The following STS variants were observed in gnomAD, a reference collection of about 807,000 sequenced individuals.
STS encodes steryl-sulfatase.
In STS, 7 loss-of-function variants were observed where a neutral mutation model predicts 26.8. The ratio of observed to expected loss-of-function variants is 0.26; its 90% CI spans 0.15 to 0.49. The LOEUF is 0.49. Among genes scored for constraint, STS ranks in the 20% least tolerant of loss-of-function variants. STS has a pLI of 0.98. For synonymous variants in STS, 199 were observed against 189.4 expected (o/e 1.05, Z -0.42); for missense variants, 434 against 465.6 (o/e 0.93, Z 0.63).
intron 1 of STS, among the ~76,000 whole-genome samples, chrX:7,165,314 C>T (rs886605833): frequency 4.6e-5 from 5 of 109,796 alleles, no homozygotes; most frequent in Non-Finnish European, 7.6e-5. Context: ...AATGCACAAT[C>T]ACCCCTGGTT....
At chrX:7,346,451 A>C (rs1264829209) in intron 10 of STS, among the ~76,000 whole-genome samples, 1 of 54,884 alleles carries the variant, frequency 1.8e-5, no homozygotes, top group Non-Finnish European at 3.2e-5. Flanking sequence ...TAGACTACTT[A>C]AACAAGTAAA....
chrX:7,187,064 C>T (rs1933786014), intron 1 of STS, among the ~76,000 whole-genome samples: 1 of 111,609 alleles, frequency 9.0e-6, no homozygotes, highest in Non-Finnish European at 1.9e-5. Flanking sequence ...TTGACCGAGG[C>T]CAGTTTCCAG....
chrX:7,236,903 T>C (rs1243307751), intron 2 of STS, among the ~76,000 whole-genome samples: 1 of 109,817 alleles, frequency 9.1e-6, no homozygotes, highest in African/African-American at 3.3e-5. Context: ...TCTTAGACTT[T>C]CAGATTCTTG....
intron 7 of STS, among the ~76,000 whole-genome samples, chrX:7,289,413 A>C (rs995053962): frequency 1.8e-5 from 2 of 111,713 alleles, no homozygotes; most frequent in Admixed American, 1.9e-4. Context: ...TACCATTCCC[A>C]CTTGGATGAG....
chrX:7,242,120 G>A (rs1348955714), intron 2 of STS, among the ~76,000 whole-genome samples: 5 of 110,775 alleles, frequency 4.5e-5, no homozygotes, highest in African/African-American at 1.6e-4. Flanking sequence ...CTACTCATTG[G>A]AAGTAAATCA....
intron 7 of STS, among the ~76,000 whole-genome samples, chrX:7,299,293 GATA>G (rs1356559636): frequency 4.2e-5 from 4 of 94,361 alleles, no homozygotes; most frequent in East Asian, 3.2e-4. Context: ...TAAATAACAT[GATA>G]ATAAATATAT....
chrX:7,206,691 C>T (rs1430100077), intron 2 of STS, among the ~76,000 whole-genome samples: 3 of 111,911 alleles, frequency 2.7e-5, no homozygotes, highest in African/African-American at 9.7e-5. Context: ...AAATAAGAGG[C>T]ATGCAGGTAT....
intron 1 of STS, among the ~76,000 whole-genome samples, chrX:7,182,440 C>G (rs1355336957): frequency 1.8e-5 from 2 of 109,069 alleles, no homozygotes; most frequent in African/African-American, 6.7e-5. Flanking sequence ...GGGCCGGGTA[C>G]CTAACTACAA....
intron 2 of STS, among the ~76,000 whole-genome samples, chrX:7,218,976 C>T (rs1286263525): frequency 8.9e-6 from 1 of 111,787 alleles, no homozygotes; most frequent in Non-Finnish European, 1.9e-5. Flanking sequence ...CAGGCTGACA[C>T]CACTTGTCAC....
At chrX:7,172,315 G>A (rs750329745) in intron 1 of STS, among the ~76,000 whole-genome samples, 1 of 110,975 alleles carries the variant, frequency 9.0e-6, no homozygotes, top group African/African-American at 3.3e-5. Flanking sequence ...ATGTGTTCTG[G>A]AAGCCCCCAC....
chrX:7,149,605 G>A (rs1932969247), intron 1 of STS, among the ~76,000 whole-genome samples: 1 of 111,586 alleles, frequency 9.0e-6, no homozygotes, highest in Admixed American at 9.5e-5. Flanking sequence ...CGTGGTTTCT[G>A]TATTAGTTTA....
rs772924501 is a variant in STS at position 7,257,531 on chromosome X, G to A, written c.325G>A (p.Asp109Asn). 3.4e-5 allele frequency: 41 copies of A among 1,210,516 alleles called. No homozygotes were observed. The highest frequency in any genetic ancestry group is 6.5e-5 in the Admixed American group (3 of 45,878). ...AGCCTCTTCGGGAGGACTTCCCACC[G>A]ATGAGATTACCTTTGCTAAGCTTCT... Reference protein sequence around the residue: ...FTASSGGLPTDEITFAKLLKD... With the variant: ...FTASSGGLPTNEITFAKLLKD... The change falls in exon 5 of 11, where the codon GAT (aspartate) becomes AAT (asparagine). Residue 109 changes from aspartate (D) to asparagine (N), a missense_variant. Around this residue, in one of 2 missense-constraint regions of STS, gnomAD observed 229 missense variants for 288.3 expected, o/e 0.79. Transcript: ENST00000674429.
chrX:7,339,050 G>A (rs1354503385), intron 10 of STS, among the ~76,000 whole-genome samples: 2 of 111,671 alleles, frequency 1.8e-5, no homozygotes, highest in Non-Finnish European at 3.8e-5. Context: ...AAAAGTGCTC[G>A]CATGGCTCAC....
At chrX:7,245,821 G>T (rs768816486) in intron 2 of STS, among the ~76,000 whole-genome samples, 32 of 111,978 alleles carry the variant, frequency 2.9e-4, no homozygotes, top group African/African-American at 1.0e-3. Context: ...GGGGATGGGG[G>T]CTGAAGATTG....
intron 1 of STS, among the ~76,000 whole-genome samples, chrX:7,184,515 G>A (rs1300145760): frequency 6.2e-5 from 7 of 112,017 alleles, no homozygotes; most frequent in African/African-American, 2.3e-4. Flanking sequence ...ATAATTCCAG[G>A]TGTTCTTCAT....
chrX:7,331,527 G>A (rs1036281979), intron 9 of STS, among the ~76,000 whole-genome samples: 8 of 111,421 alleles, frequency 7.2e-5, no homozygotes, highest in African/African-American at 2.6e-4. Flanking sequence ...CCGTTAGACT[G>A]TTTCCAGAGA....
Position 7,319,313 on chromosome X carries a change from A to AT in STS, c.1082-6019dup, listed in dbSNP as rs374866229. ...CAGGTGTGTGCCACCACACCTGGCT[A>AT]TTTTTTTAATTATTATTAATATTTT... On this transcript the variant is annotated intron_variant, in intron 8 of 10. Coordinates refer to ENST00000674429, the MANE Select transcript of STS (RefSeq NM_001320752.2). Among the ~76,000 whole-genome samples, 376 of 109,670 alleles carry AT rather than the reference A, an allele frequency of 3.4e-3. 1 individual carries two copies. Among genetic ancestry groups the AT allele is most frequent in the African/African-American group, 0.012 (359 of 30,113 alleles).
chrX:7,222,598 CATT>C (rs1465305610), intron 2 of STS, among the ~76,000 whole-genome samples: 11 of 106,286 alleles, frequency 1.0e-4, no homozygotes, highest in African/African-American at 3.4e-4. Flanking sequence ...CAACTATCAT[CATT>C]AAGTTTTTTG....
At position 7,148,079 on chromosome X, in the gene STS, A is replaced by G; in HGVS notation, c.-138A>G. The G allele has an allele frequency of 8.9e-7, 1 of 1,128,131 alleles. No individual in the cohort carries two copies. The highest frequency in any genetic ancestry group is 1.9e-5 in the African/African-American group (1 of 52,714). 93.0% of individuals were successfully genotyped at this position (1,128,131 alleles called of 1,213,427 possible). ...CAGAAGAAGTCCGTCCATGTCAAAGATGAGGTGGGTGACGGGCTGCGGGGG... is the reference window on the plus strand; with the variant it reads ...CAGAAGAAGTCCGTCCATGTCAAAGGTGAGGTGGGTGACGGGCTGCGGGGG... On this transcript the variant is annotated 5_prime_UTR_variant, in exon 1 of 11. An upstream start codon of the reference 5' UTR is lost. Coordinates refer to ENST00000674429, the MANE Select transcript of STS (RefSeq NM_001320752.2).
Sources: gnomAD v4.1 joint callset for allele counts (sites outside exome capture counted in the v4.1 genomes callset) on GRCh38, gnomAD v4.1.1 for gene constraint, gnomAD v4.1.1 regional missense constraint, MANE v1.5 for transcripts, NCBI Gene and HGNC (gene_info 2026-07-23, HGNC 2026-07-21) for gene names.